IAH1: variants seen among roughly 807,000 people sequenced by gnomAD.
IAH1 encodes isoamyl acetate-hydrolyzing esterase 1 homolog.
IAH1 carries 24 observed loss-of-function variants against 26.7 expected under a neutral mutation model. The ratio of observed to expected loss-of-function variants is 0.90; its 90% CI spans 0.65 to 1.26. IAH1 has a LOEUF of 1.26. Among genes scored for constraint, IAH1 ranks in the 50% most tolerant of loss-of-function variants. The pLI is 0.00. For missense variants in IAH1, 300 were observed against 299.9 expected (o/e 1.00, Z 0.00); for synonymous variants, 140 against 118.5 (o/e 1.18, Z -1.18).
chr2:9,474,512 C>G, upstream of IAH1: 2 of 1,175,608 alleles, frequency 1.7e-6, no homozygotes, highest in Non-Finnish European at 2.2e-6. The surrounding 1 kb of genome is among the most constrained non-coding windows in gnomAD (Gnocchi z 4.3). Flanking sequence ...CGGGCGGCCA[C>G]TGCGCAGGCG....
At chr2:9,475,009 G>C in intron 1 of IAH1, 1 of 1,100,612 alleles carries the variant, frequency 9.1e-7, no homozygotes, top group Admixed American at 4.5e-5. Context: ...GCGGCCGCGG[G>C]CGACCGCGCG....
chr2:9,505,417 T>TCC, the IAH1 span: 1 of 1,527,964 alleles, frequency 6.5e-7, no homozygotes, highest in South Asian at 1.1e-5. Flanking sequence ...AAAAATGTAT[T>TCC]CCCATGCAAT....
chr2:9,493,043 G>A (rs550239502), downstream of IAH1: 3 of 1,398,226 alleles, frequency 2.1e-6, no homozygotes, highest in Admixed American at 3.9e-5. Context: ...AATCTAAAGT[G>A]AAATGCTCTT....
downstream of IAH1, chr2:9,491,047 T>TAAC: frequency 1.3e-6 from 2 of 1,530,648 alleles, no homozygotes; most frequent in Non-Finnish European, 1.8e-6. Flanking sequence ...GGTCTTTGCC[T>TAAC]AACAGGGCCT....
chr2:9,500,398 G>T (rs535252601), downstream of IAH1, among the ~76,000 whole-genome samples: 1 of 152,224 alleles, frequency 6.6e-6, no homozygotes, highest in South Asian at 2.1e-4. Context: ...GCTCTGAGTT[G>T]TGGGGAATGG....
At chr2:9,477,196 G>A (rs1260242903) in intron 2 of IAH1, among the ~76,000 whole-genome samples, 1 of 152,192 alleles carries the variant, frequency 6.6e-6, no homozygotes, top group Non-Finnish European at 1.5e-5. Context: ...ACTTTGAGCA[G>A]TGTCAGAAAG....
At chr2:9,493,435 C>T (rs1242917112), downstream of IAH1, among the ~76,000 whole-genome samples, 1 of 152,196 alleles carries the variant, frequency 6.6e-6, no homozygotes, top group Non-Finnish European at 1.5e-5. Flanking sequence ...AACACTCTTA[C>T]ATCAATCAGG....
At position 9,474,762 on chromosome 2, in the gene IAH1, C is replaced by T; in HGVS notation, c.81+115C>T. 1.3e-6 allele frequency: 1 copy of T among 779,388 alleles called. No homozygotes were observed. Among genetic ancestry groups the T allele is most frequent in the South Asian group, 2.0e-5 (1 of 49,116 alleles). The allele number at this position is 779,388 out of a possible 1,614,324, so 48.3% of individuals were successfully genotyped here. A position where few individuals can be genotyped will look rare whatever the true frequency, so the allele number is the denominator to read the frequency against. ...CGCCCGAGACGGCTGGGCCGGAGGC[C>T]TGGCCACGCCCGTGGAGACACCGGA... On this transcript the variant is annotated intron_variant, in intron 1 of 5. Coordinates refer to ENST00000497473, the MANE Select transcript of IAH1 (RefSeq NM_001039613.3). This position sits in a 1 kb window ranked among gnomAD's most constrained non-coding sequence, Gnocchi z 4.3.
chr2:9,503,288 A>G, the IAH1 span, among the ~76,000 whole-genome samples: 1 of 152,120 alleles, frequency 6.6e-6, no homozygotes, highest in Non-Finnish European at 1.5e-5. Flanking sequence ...TCAATTATTC[A>G]CCAGAAAACT....
chr2:9,500,015 T>A (rs1399959990), downstream of IAH1, among the ~76,000 whole-genome samples: 1 of 152,190 alleles, frequency 6.6e-6, no homozygotes, highest in African/African-American at 2.4e-5. Flanking sequence ...CTCAAAAGAT[T>A]AAGCATAGTT....
At chr2:9,505,596 A>T in the IAH1 span, 1 of 536,454 alleles carries the variant, frequency 1.9e-6, no homozygotes, top group Middle Eastern at 5.1e-4. Flanking sequence ...AGGATCTATA[A>T]TTCTTCTTAC....
At chr2:9,484,640 C>G in intron 5 of IAH1, 90 bp downstream of exon 5, 1 of 834,618 alleles carries the variant, frequency 1.2e-6, no homozygotes, top group Admixed American at 2.1e-5. Flanking sequence ...TAGAAAGGCC[C>G]TGCTTAGCTA....
intron 2 of IAH1, among the ~76,000 whole-genome samples, chr2:9,476,719 AGG>A (rs1660816066): frequency 6.6e-6 from 1 of 152,234 alleles, no homozygotes; most frequent in South Asian, 2.1e-4. Context: ...CTCATTGTCC[AGG>A]GGAGGAATGC....
the IAH1 span, among the ~76,000 whole-genome samples, chr2:9,506,359 GTTTTTTTTTTTTTTT>G: frequency 2.7e-5 from 2 of 73,208 alleles, 1 homozygote; most frequent in Admixed American, 2.8e-4. Context: ...CTTCAAATCT[GTTTTTTTTTTTTTTT>G]TTTTTTTTTT....
downstream of IAH1, among the ~76,000 whole-genome samples, chr2:9,500,796 G>C (rs921112428): frequency 6.6e-6 from 1 of 152,152 alleles, no homozygotes; most frequent in African/African-American, 2.4e-5. Flanking sequence ...TATATACCTA[G>C]TAATAACATA....
chr2:9,474,561 T>C lies in IAH1; in HGVS notation c.-6T>C. On this transcript the variant is annotated 5_prime_UTR_variant, in exon 1 of 6. Coordinates refer to ENST00000497473, the MANE Select transcript of IAH1 (RefSeq NM_001039613.3). This position sits in a 1 kb window ranked among gnomAD's most constrained non-coding sequence, Gnocchi z 4.3. ...GCGGCCCCGCCCCGCCCCGCCCGGCTGCTCCATGGCGCTGTGCGAGGCCGC... is the reference window on the plus strand; with the variant it reads ...GCGGCCCCGCCCCGCCCCGCCCGGCCGCTCCATGGCGCTGTGCGAGGCCGC... 3.2e-6 allele frequency: 4 copies of C among 1,239,008 alleles called. No individual in the cohort carries two copies. Among genetic ancestry groups the C allele is most frequent in the African/African-American group, 1.9e-5 (1 of 53,242 alleles). The allele number at this position is 1,239,008 out of a possible 1,614,324, so 76.8% of individuals were successfully genotyped here. A position where few individuals can be genotyped will look rare whatever the true frequency, so the allele number is the denominator to read the frequency against.
At chr2:9,495,258 A>G (rs1662484087) in intron 6 of IAH1, among the ~76,000 whole-genome samples, 1 of 152,246 alleles carries the variant, frequency 6.6e-6, no homozygotes, top group East Asian at 1.9e-4. Flanking sequence ...CCAAAGCTCC[A>G]CAACTCCTCC....
chr2:9,485,654 C>G (rs1170443193), intron 5 of IAH1: 1 of 154,420 alleles, frequency 6.5e-6, no homozygotes, highest in African/African-American at 2.4e-5. Flanking sequence ...CAGCCCACCC[C>G]CCAAAAAAAG....
At chr2:9,491,139 C>A (rs1662108508), downstream of IAH1, 1 of 1,612,890 alleles carries the variant, frequency 6.2e-7, no homozygotes, top group Non-Finnish European at 8.5e-7. Context: ...TACTGTTTAT[C>A]CAATTTCTTA....
Sources: gnomAD v4.1 joint callset for allele counts (sites outside exome capture counted in the v4.1 genomes callset) on GRCh38, gnomAD v4.1.1 for gene constraint, Gnocchi (gnomAD v3.1) non-coding constraint, MANE v1.5 for transcripts, NCBI Gene and HGNC (gene_info 2026-07-23, HGNC 2026-07-21) for gene names.